Variants in LMO3 observed in about 807,000 individuals in gnomAD.
LMO3 encodes LIM domain only protein 3.
LMO3 carries 2 observed loss-of-function variants against 15.8 expected under a neutral mutation model. That is an observed-to-expected ratio of 0.13 (90% confidence interval 0.05 to 0.40). The LOEUF (loss-of-function observed/expected upper bound fraction) is 0.40, where lower values mean the gene tolerates loss of function less well. Ranked by LOEUF, LMO3 falls within the 10% of genes least tolerant of loss-of-function variation. The probability of loss-of-function intolerance (pLI) is 0.99; values close to 1 mark genes in which losing one functional copy is unlikely to be tolerated. For synonymous variants in LMO3, 62 were observed against 63.8 expected (o/e 0.97, Z 0.13); for missense variants, 86 against 182.2 (o/e 0.47, Z 3.04).
intron 2 of LMO3, among the ~76,000 whole-genome samples, chr12:16,580,129 C>T (rs533993650): frequency 9.5e-4 from 144 of 152,208 alleles, no homozygotes; most frequent in African/African-American, 3.2e-3. Context: ...TATACACCTA[C>T]GTTATTTTTA....
Position 16,593,067 on chromosome 12 carries a change from T to C in LMO3, c.206+7588A>G, listed in dbSNP as rs1007911690. Among the ~76,000 whole-genome samples, 1 of 151,850 alleles carries C rather than the reference T, an allele frequency of 6.6e-6. No individual in the cohort carries two copies. Among genetic ancestry groups the C allele is most frequent in the Non-Finnish European group, 1.5e-5 (1 of 67,822 alleles). On this transcript the variant is annotated intron_variant, in intron 2 of 3. Transcript: ENST00000537304. The surrounding 1 kb of genome is among the most constrained non-coding windows in gnomAD (Gnocchi z 4.2). ...TGGTATCTGGATTACTGTTAAACATTAGGATTAGCACATTTTATGAAGTTC... is the reference window on the plus strand; with the variant it reads ...TGGTATCTGGATTACTGTTAAACATCAGGATTAGCACATTTTATGAAGTTC...
In LMO3 at chr12:16,549,364, A is replaced by G. The variant is rs1267073891; in HGVS notation, c.*1858T>C. On this transcript the variant is annotated 3_prime_UTR_variant, in exon 4 of 4. Coordinates refer to ENST00000537304, the MANE Select transcript of LMO3 (RefSeq NM_018640.5). ...ACATGGAACTTGAAGACTCCTAACC[A>G]TGAAGCATTTGGAAAAATACATATC... 1.3e-5 allele frequency: 2 copies of G among 152,414 alleles called. No homozygotes were observed. Among genetic ancestry groups the G allele is most frequent in the Non-Finnish European group, 2.9e-5 (2 of 68,000 alleles). The allele number at this position is 152,414 out of a possible 1,614,324, so 9.4% of individuals were successfully genotyped here.
rs768593999 is a variant in LMO3 at position 16,585,733 on chromosome 12, A to ATATG, written c.206+14918_206+14921dup. Among the ~76,000 whole-genome samples, 2 of 152,216 alleles carry ATATG rather than the reference A, an allele frequency of 1.3e-5. No homozygotes were observed. The highest frequency in any genetic ancestry group is 2.9e-5 in the Non-Finnish European group (2 of 68,038). ...TCCAAATATAATAATAGAAAGGAAAATATGGGTGAGAAATTACAAAAGGCT... is the reference window on the plus strand; with the variant it reads ...TCCAAATATAATAATAGAAAGGAAAATATGTATGGGTGAGAAATTACAAAAGGCT... On this transcript the variant is annotated intron_variant, in intron 2 of 3. Coordinates refer to ENST00000537304, the MANE Select transcript of LMO3 (RefSeq NM_018640.5). This position sits in a 1 kb window ranked among gnomAD's most constrained non-coding sequence, Gnocchi z 4.7.
chr12:16,563,353 CA>C (rs975629877), intron 2 of LMO3, among the ~76,000 whole-genome samples: 2 of 152,088 alleles, frequency 1.3e-5, no homozygotes, highest in African/African-American at 4.8e-5. Context: ...GGAAAATAAA[CA>C]AAGTATTATT....
At chr12:16,577,187 A>G (rs1354222820) in intron 2 of LMO3, among the ~76,000 whole-genome samples, 1 of 152,176 alleles carries the variant, frequency 6.6e-6, no homozygotes, top group Non-Finnish European at 1.5e-5. Context: ...CTAAAGAGTT[A>G]ACAAACAGCA....
In LMO3 at chr12:16,559,810, A is replaced by G. The variant is rs1942323359; in HGVS notation, c.332+603T>C. On this transcript the variant is annotated intron_variant, in intron 3 of 3. Transcript: ENST00000537304. This position sits in a 1 kb window ranked among gnomAD's most constrained non-coding sequence, Gnocchi z 4.1. ...CTCTATAAAAAATGAAAAAAAAAAA[A>G]AATTAGCCAGGCATGGGAGTGCACA... 6.6e-6 allele frequency among the ~76,000 whole-genome samples: 1 copy of G among 151,696 alleles called. No individual in the cohort carries two copies. Among genetic ancestry groups the G allele is most frequent in the Admixed American group, 6.6e-5 (1 of 15,214 alleles).
At chr12:16,564,442 T>C (rs776040535) in intron 2 of LMO3, among the ~76,000 whole-genome samples, 6 of 152,246 alleles carry the variant, frequency 3.9e-5, no homozygotes, top group Non-Finnish European at 5.9e-5. Flanking sequence ...TATCCATTTC[T>C]AACGTTCCTG....
At position 16,549,629 on chromosome 12, in the gene LMO3, T is replaced by A. The variant is rs369853968; in HGVS notation, c.*1593A>T. 2 of 152,430 alleles carry A rather than the reference T, an allele frequency of 1.3e-5. No individual in the cohort carries two copies. The highest frequency in any genetic ancestry group is 4.8e-5 in the African/African-American group (2 of 41,508). The allele number at this position is 152,430 out of a possible 1,614,324, so 9.4% of individuals were successfully genotyped here. ...AAAATATTGTTTCCTATACAAGTGA[T>A]CAAGAAAAAAACAAAGAAAAAGAAA... On this transcript the variant is annotated 3_prime_UTR_variant, in exon 4 of 4. Coordinates refer to ENST00000537304, the MANE Select transcript of LMO3 (RefSeq NM_018640.5).
At chr12:16,579,057 C>A (rs1046155535) in intron 2 of LMO3, among the ~76,000 whole-genome samples, 2 of 152,090 alleles carry the variant, frequency 1.3e-5, no homozygotes, top group African/African-American at 4.8e-5. Flanking sequence ...CCTTTTCCAA[C>A]CCAAACACTC....
chr12:16,588,234 C>T (rs537979501), intron 2 of LMO3, among the ~76,000 whole-genome samples: 1 of 151,896 alleles, frequency 6.6e-6, no homozygotes, highest in South Asian at 2.1e-4. Context: ...AAAGTATTTA[C>T]AATTTATAAA....
chr12:16,554,774 A>G (rs1034733549), intron 3 of LMO3, among the ~76,000 whole-genome samples: 1 of 152,270 alleles, frequency 6.6e-6, no homozygotes, highest in East Asian at 1.9e-4. Flanking sequence ...CTCCTGCCTC[A>G]GCCTCCCCAG....
At chr12:16,571,534 C>T (rs998224709) in intron 2 of LMO3, among the ~76,000 whole-genome samples, 1 of 151,994 alleles carries the variant, frequency 6.6e-6, no homozygotes, top group Non-Finnish European at 1.5e-5. Flanking sequence ...TTTTCTAGGA[C>T]AATCCTGGAT....
rs1943906112 is a variant in LMO3, at chr12:16,603,897, A to G, written c.-9+2169T>C. On this transcript the variant is annotated intron_variant, in intron 1 of 3. Coordinates refer to ENST00000537304, the MANE Select transcript of LMO3 (RefSeq NM_018640.5). This position sits in a 1 kb window ranked among gnomAD's most constrained non-coding sequence, Gnocchi z 4.9. ...CTTAGACACAGTCTTACATTTTTGGACTAACTACACAGAGTGAATAGAAAA... is the reference window on the plus strand; with the variant it reads ...CTTAGACACAGTCTTACATTTTTGGGCTAACTACACAGAGTGAATAGAAAA... Among the ~76,000 whole-genome samples the G allele has an allele frequency of 6.6e-6, 1 of 152,206 alleles. No homozygotes were observed. The highest frequency in any genetic ancestry group is 2.4e-5 in the African/African-American group (1 of 41,444).
intron 2 of LMO3, among the ~76,000 whole-genome samples, chr12:16,565,949 C>T (rs1323545886): frequency 7.8e-5 from 10 of 128,520 alleles, no homozygotes; most frequent in Non-Finnish European, 1.6e-4. Flanking sequence ...AACCTACATG[C>T]CCATCAATGG....
At position 16,574,587 on chromosome 12, in the gene LMO3, C is replaced by T. The variant is rs545733059; in HGVS notation, c.207-14049G>A. ...GGATAAAAGGTGACTTAGGAACTTT[C>T]CCCCTATTTGTACCACTTTTTAAAT... On this transcript the variant is annotated intron_variant, in intron 2 of 3. Coordinates refer to ENST00000537304, the MANE Select transcript of LMO3 (RefSeq NM_018640.5). 6.0e-4 allele frequency among the ~76,000 whole-genome samples: 91 copies of T among 152,206 alleles called. 1 individual carries two copies. The highest frequency in any genetic ancestry group is 1.0e-3 in the South Asian group (5 of 4,812).
At position 16,606,151 on chromosome 12, in the gene LMO3, G is replaced by C; in HGVS notation, c.-94C>G. Reference sequence around the variant, plus strand: ...GCTTCTCCTTGGGAAAGGTCAAAAAGAAGCATTGTTTGAAAAAAAAAAAAA... The same window carrying C: ...GCTTCTCCTTGGGAAAGGTCAAAAACAAGCATTGTTTGAAAAAAAAAAAAA... On this transcript the variant is annotated 5_prime_UTR_variant, in exon 1 of 4. Transcript: ENST00000537304. 18 of 128,818 alleles carry C rather than the reference G, an allele frequency of 1.4e-4. No homozygotes were observed. Among genetic ancestry groups the C allele is most frequent in the South Asian group, 2.9e-4 (1 of 3,470 alleles). 8.0% of individuals were successfully genotyped at this position (128,818 alleles called of 1,614,324 possible). A position where few individuals can be genotyped will look rare whatever the true frequency, so the allele number is the denominator to read the frequency against.
Position 16,597,730 on chromosome 12 carries a change from C to G in LMO3, c.206+2925G>C, listed in dbSNP as rs180920260. 1.3e-5 allele frequency: 2 copies of G among 151,756 alleles called. No individual in the cohort carries two copies. Among genetic ancestry groups the G allele is most frequent in the East Asian group, 3.9e-4 (2 of 5,178 alleles). 9.4% of individuals were successfully genotyped at this position (151,756 alleles called of 1,614,324 possible). A position where few individuals can be genotyped will look rare whatever the true frequency, so the allele number is the denominator to read the frequency against. On this transcript the variant is annotated intron_variant, in intron 2 of 3. Coordinates refer to ENST00000537304, the MANE Select transcript of LMO3 (RefSeq NM_018640.5). This position sits in a 1 kb window ranked among gnomAD's most constrained non-coding sequence, Gnocchi z 5.0. Reference sequence around the variant, plus strand: ...GTTATTTATGTTCAGTTTGGTGCCTCAGAGAAATTACATAATATCAAAGGG... The same window carrying G: ...GTTATTTATGTTCAGTTTGGTGCCTGAGAGAAATTACATAATATCAAAGGG...
At chr12:16,594,360 G>T in intron 2 of LMO3, 1 of 1,201,780 alleles carries the variant, frequency 8.3e-7, no homozygotes, top group Non-Finnish European at 1.1e-6. Flanking sequence ...GAAAGAAAAA[G>T]GCCATTTATA....
intron 2 of LMO3, among the ~76,000 whole-genome samples, chr12:16,588,413 C>T (rs1248877741): frequency 6.6e-6 from 1 of 151,760 alleles, no homozygotes; most frequent in East Asian, 1.9e-4. Context: ...ATAAAGAAAA[C>T]CTAAAACAAC....
Sources: allele counts gnomAD v4.1 joint callset (sites outside exome capture counted in the v4.1 genomes callset), GRCh38; gene constraint gnomAD v4.1.1; non-coding constraint Gnocchi (gnomAD v3.1); transcripts MANE v1.5; gene names NCBI Gene and HGNC (gene_info 2026-07-23, HGNC 2026-07-21).